The following MALRD1 variants were observed in gnomAD, a reference collection of about 807,000 sequenced individuals.
MALRD1 encodes the protein MAM and LDL-receptor class A domain-containing protein 1.
In MALRD1, 247 loss-of-function variants were observed where a neutral mutation model predicts 242.1. That is an observed-to-expected ratio of 1.02 (90% confidence interval 0.92 to 1.13). The LOEUF is 1.13. MALRD1 is among the 50% of genes most tolerant of loss of function. The pLI is 0.00. For synonymous variants in MALRD1, 995 were observed against 866.6 expected (o/e 1.15, Z -2.60); for missense variants, 2,989 against 2,533.1 (o/e 1.18, Z -3.86).
intron 29 of MALRD1, among the ~76,000 whole-genome samples, chr10:19,451,259 A>G (rs1835307058): frequency 6.6e-6 from 1 of 152,202 alleles, no homozygotes; most frequent in Non-Finnish European, 1.5e-5. Context: ...TCTATAAGAA[A>G]TAAATTCAAT....
Position 19,618,167 on chromosome 10 carries a change from T to C in MALRD1, c.6137+2244T>C, listed in dbSNP as rs190647374. On this transcript the variant is annotated intron_variant, in intron 36 of 39. Transcript: ENST00000454679. The stretch of plus-strand genomic sequence containing the variant: ...CCTGCAAAGGACATGAATCTAATTC[T>C]TTTTTTTAAGGCTGCATAGTATTCC... Among the ~76,000 whole-genome samples the C allele has an allele frequency of 2.9e-3, 438 of 151,764 alleles. 2 individuals carry two copies. Among genetic ancestry groups the C allele is most frequent in the African/African-American group, 0.01 (416 of 41,292 alleles).
chr10:19,731,536 ATC>A (rs1307505135), intron 39 of MALRD1, among the ~76,000 whole-genome samples: 1 of 149,582 alleles, frequency 6.7e-6, no homozygotes, highest in East Asian at 2.0e-4. Context: ...AACATTTAGG[ATC>A]TCTCTTAGCA....
At chr10:19,603,950 G>T (rs913151095) in intron 34 of MALRD1, among the ~76,000 whole-genome samples, 3 of 152,114 alleles carry the variant, frequency 2.0e-5, no homozygotes, top group Non-Finnish European at 2.9e-5. Context: ...CTCTCCTTGG[G>T]TCTCCCCATT....
At chr10:19,602,811 A>C (rs1326337814) in intron 34 of MALRD1, among the ~76,000 whole-genome samples, 2 of 152,162 alleles carry the variant, frequency 1.3e-5, no homozygotes, top group Non-Finnish European at 2.9e-5. Context: ...CAGTCCCACC[A>C]ACAGTGTAAA....
rs568971355 is a variant in MALRD1, at chr10:19,298,656, C to T, written c.3419+15475C>T. 3.9e-5 allele frequency among the ~76,000 whole-genome samples: 6 copies of T among 152,010 alleles called. No homozygotes were observed. The East Asian group carries it at 7.8e-4, about 20-fold the overall frequency. On this transcript the variant is annotated intron_variant, in intron 21 of 39. Transcript: ENST00000454679. ...GCCTTTTTAAAAAGCATCAGCAGGACTAGAAAAGAGACACAAGAATGTGTC... is the reference window on the plus strand; with the variant it reads ...GCCTTTTTAAAAAGCATCAGCAGGATTAGAAAAGAGACACAAGAATGTGTC...
chr10:19,602,338 C>G (rs1838396393), intron 34 of MALRD1, among the ~76,000 whole-genome samples: 2 of 124,398 alleles, frequency 1.6e-5, no homozygotes, highest in Non-Finnish European at 3.3e-5. Flanking sequence ...AATGCTATCC[C>G]TCCCCCCTCC....
intron 36 of MALRD1, among the ~76,000 whole-genome samples, chr10:19,655,781 C>T (rs570232710): frequency 6.6e-6 from 1 of 151,906 alleles, no homozygotes; most frequent in East Asian, 1.9e-4. Context: ...TATTTCTATT[C>T]TGCTAAAGGG....
intron 1 of MALRD1, among the ~76,000 whole-genome samples, chr10:19,060,539 A>T (rs938212902): frequency 2.0e-5 from 3 of 151,932 alleles, no homozygotes; most frequent in African/African-American, 4.8e-5. Flanking sequence ...CCTCCCAGGG[A>T]TGGGATCTTC....
intron 38 of MALRD1, among the ~76,000 whole-genome samples, chr10:19,704,051 C>G (rs1833744043): frequency 6.6e-6 from 1 of 152,060 alleles, no homozygotes; most frequent in African/African-American, 2.4e-5. Context: ...TAAATGTTTA[C>G]TATTCAGCAT....
intron 24 of MALRD1, among the ~76,000 whole-genome samples, chr10:19,340,346 C>CT (rs35265559): frequency 0.7 from 103,428 of 148,028 alleles, 35,979 homozygotes; most frequent in Non-Finnish European, 0.73. Flanking sequence ...GATGTGCTAA[C>CT]TTTTTTTTTT....
chr10:19,055,347 G>A (rs187725291), intron 1 of MALRD1, among the ~76,000 whole-genome samples: 1 of 152,180 alleles, frequency 6.6e-6, no homozygotes, highest in East Asian at 1.9e-4. Flanking sequence ...CCATTCTGTG[G>A]ATTTTGTCTT....
At chr10:19,275,004 A>T (rs1414262232) in intron 19 of MALRD1, among the ~76,000 whole-genome samples, 1 of 152,218 alleles carries the variant, frequency 6.6e-6, no homozygotes, top group Non-Finnish European at 1.5e-5. Context: ...TATTCGGATA[A>T]GGGTCCCTCT....
chr10:19,598,981 T>C (rs1316728780), intron 34 of MALRD1, among the ~76,000 whole-genome samples: 1 of 152,004 alleles, frequency 6.6e-6, no homozygotes, highest in Non-Finnish European at 1.5e-5. Context: ...AAATATAAAT[T>C]GGAAAAAGCC....
At chr10:19,351,905 A>T in intron 25 of MALRD1, 101 bp from the exon 26 acceptor site, 1 of 1,113,444 alleles carries the variant, frequency 9.0e-7, no homozygotes, top group Non-Finnish European at 1.3e-6. Flanking sequence ...TTCCTCCAGA[A>T]ATCTGTTAAT....
intron 33 of MALRD1, among the ~76,000 whole-genome samples, chr10:19,594,511 A>G (rs113504411): frequency 6.6e-6 from 1 of 152,142 alleles, no homozygotes; most frequent in African/African-American, 2.4e-5. Flanking sequence ...AAAAGTTATT[A>G]TATGAAAAAG....
intron 26 of MALRD1, among the ~76,000 whole-genome samples, chr10:19,377,796 C>A (rs1204869933): frequency 6.6e-6 from 1 of 151,868 alleles, no homozygotes; most frequent in African/African-American, 2.4e-5. Context: ...GTTTGCATTG[C>A]CAGTATTCTA....
At chr10:19,103,198 T>C (rs1262270509) in intron 4 of MALRD1, among the ~76,000 whole-genome samples, 1 of 151,988 alleles carries the variant, frequency 6.6e-6, no homozygotes, top group Admixed American at 6.6e-5. Context: ...TTCCAGTCGA[T>C]GTTTAGATAA....
At chr10:19,111,366 G>T (rs970572291) in intron 5 of MALRD1, among the ~76,000 whole-genome samples, 1 of 152,174 alleles carries the variant, frequency 6.6e-6, no homozygotes, top group Non-Finnish European at 1.5e-5. Context: ...TTGAGGTGGT[G>T]TGGAGAAGAA....
chr10:19,208,192 C>T (rs1836871745), intron 17 of MALRD1, among the ~76,000 whole-genome samples: 1 of 151,768 alleles, frequency 6.6e-6, no homozygotes, highest in South Asian at 2.1e-4. Flanking sequence ...CTGAATTGGT[C>T]TAGGGACTGA....
Sources: allele counts gnomAD v4.1 joint callset (sites outside exome capture counted in the v4.1 genomes callset), GRCh38; gene constraint gnomAD v4.1.1; transcripts MANE v1.5; gene names NCBI Gene and HGNC (gene_info 2026-07-23, HGNC 2026-07-21).